The following ZBTB34 variants were observed in gnomAD, a reference collection of about 807,000 sequenced individuals.
ZBTB34 encodes zinc finger and BTB domain-containing protein 34.
A neutral mutation model predicts 33.4 loss-of-function variants in ZBTB34; 1 was observed. The observed-to-expected ratio is 0.03, with a 90% CI of 0.01 to 0.14. The LOEUF (loss-of-function observed/expected upper bound fraction) is 0.14, where lower values mean the gene tolerates loss of function less well. Among genes scored for constraint, ZBTB34 ranks in the 10% least tolerant of loss-of-function variants. The pLI is 1.00. For missense variants in ZBTB34, 406 were observed against 657.2 expected, an observed-to-expected ratio of 0.62 and a Z score of 4.18; for synonymous variants, 283 against 253.5, an observed-to-expected ratio of 1.12 and a Z score of -1.11.
rs1404109080 is a variant in ZBTB34 at position 126,877,803 on chromosome 9, G to A, written c.-10-1587G>A. 3.3e-5 allele frequency among the ~76,000 whole-genome samples: 5 copies of A among 152,056 alleles called. No homozygotes were observed. The South Asian group carries it at 1.0e-3, about 32-fold the overall frequency. On this transcript the variant is annotated intron_variant, in intron 1 of 1. Transcript: ENST00000319119. ...GCAGATCACTTGAGGTCAGGAGTTC[G>A]AGACCAGCCTGGCTAACATGGTGAA... is the stretch of plus-strand genomic sequence containing the variant.
intron 1 of ZBTB34, among the ~76,000 whole-genome samples, chr9:126,865,407 A>G (rs928942745): frequency 4.6e-5 from 7 of 152,252 alleles, no homozygotes; most frequent in African/African-American, 1.7e-4. Context: ...AGCAGTGAGG[A>G]GTCTCACAGA....
chr9:126,867,126 CTTTTTTT>C (rs201393295), intron 1 of ZBTB34, among the ~76,000 whole-genome samples: 11 of 128,548 alleles, frequency 8.6e-5, no homozygotes, highest in Middle Eastern at 3.9e-3. Context: ...TTGGGGGTTC[CTTTTTTT>C]TTTTTTTTTT....
Position 126,879,597 on chromosome 9 carries a change from G to C in ZBTB34, c.198G>C (p.Ala66=). ...CCCCATATTTCCGGGACCATTCAGC[G>C]TTAAGTACCATGAGTGGCTTGTCAA... is the stretch of plus-strand genomic sequence containing the variant. The change falls in exon 2 of 2, where the codon GCG becomes GCC. Residue 66 remains alanine (A), a synonymous_variant. Transcript: ENST00000319119. The surrounding 1 kb of genome is among the most constrained non-coding windows in gnomAD (Gnocchi z 6.4). The C allele has an allele frequency of 3.1e-6, 5 of 1,613,900 alleles. No homozygotes were observed. The highest frequency in any genetic ancestry group is 4.2e-6 in the Non-Finnish European group (5 of 1,179,888).
At chr9:126,862,103 T>C (rs902369555) in intron 1 of ZBTB34, among the ~76,000 whole-genome samples, 1 of 152,118 alleles carries the variant, frequency 6.6e-6, no homozygotes, top group African/African-American at 2.4e-5. Context: ...GAGGTCACTG[T>C]AGGCCGAGTG....
chr9:126,866,893 C>T (rs2033209340), intron 1 of ZBTB34, among the ~76,000 whole-genome samples: 1 of 152,074 alleles, frequency 6.6e-6, no homozygotes, highest in South Asian at 2.1e-4. Context: ...TTAATAGTAC[C>T]ACGTGGTTCC....
chr9:126,861,884 T>TA (rs1395665823), intron 1 of ZBTB34, among the ~76,000 whole-genome samples: 2 of 152,212 alleles, frequency 1.3e-5, no homozygotes, highest in Non-Finnish European at 2.9e-5. Context: ...TCCTTTATGC[T>TA]AAAGCCAAAC....
chr9:126,874,134 C>A (rs2119221247), intron 1 of ZBTB34, among the ~76,000 whole-genome samples: 1 of 148,242 alleles, frequency 6.7e-6, no homozygotes, highest in African/African-American at 2.5e-5. Flanking sequence ...CTCCGTCCTC[C>A]AGGTTCACGC....
intron 1 of ZBTB34, among the ~76,000 whole-genome samples, chr9:126,873,511 A>C (rs930644463): frequency 6.6e-6 from 1 of 152,104 alleles, no homozygotes; most frequent in African/African-American, 2.4e-5. Flanking sequence ...CGATACGCCT[A>C]ACTCGGCCTC....
At chr9:126,866,560 T>C (rs565576440) in intron 1 of ZBTB34, among the ~76,000 whole-genome samples, 1 of 152,310 alleles carries the variant, frequency 6.6e-6, no homozygotes, top group South Asian at 2.1e-4. Flanking sequence ...CAAAAATATC[T>C]TCCTCCATGA....
rs768154356 is a variant in ZBTB34, at chr9:126,880,232, C to G, written c.833C>G (p.Ser278Cys). The G allele has an allele frequency of 1.9e-5, 31 of 1,613,842 alleles. No homozygotes were observed. The highest frequency in any genetic ancestry group is 2.5e-5 in the Non-Finnish European group (30 of 1,179,888). Residue 278 changes from serine to cysteine, a missense_variant, in exon 2 of 2, where the codon TCC (serine) becomes TGC (cysteine). Transcript: ENST00000319119. The surrounding 1 kb of genome is among the most constrained non-coding windows in gnomAD (Gnocchi z 6.7). Reference sequence around the variant, plus strand: ...CAAGTTGTGGCAGTGAATGTGGGCTCCTATGGTTCTGTGCTCCAGCACGCA... The same window carrying G: ...CAAGTTGTGGCAGTGAATGTGGGCTGCTATGGTTCTGTGCTCCAGCACGCA...
At chr9:126,865,572 T>C (rs528830621) in intron 1 of ZBTB34, among the ~76,000 whole-genome samples, 1 of 152,346 alleles carries the variant, frequency 6.6e-6, no homozygotes, top group East Asian at 1.9e-4. Flanking sequence ...GAGAGTCCCT[T>C]CTTATTTTTA....
rs1276643246 is a variant in ZBTB34, at chr9:126,881,358, CAATT to C, written c.*445_*448del. The C allele has an allele frequency of 1.8e-5, 3 of 162,896 alleles. No individual in the cohort carries two copies. In the Admixed American group the frequency reaches 2.0e-4, roughly 11 times the overall value. 10.1% of individuals were successfully genotyped at this position (162,896 alleles called of 1,614,324 possible). A position where few individuals can be genotyped will look rare whatever the true frequency, so the allele number is the denominator to read the frequency against. On this transcript the variant is annotated 3_prime_UTR_variant, in exon 2 of 2. Transcript: ENST00000319119. ...AAATTCCTTTTAGGGGGTAGTTAGA[CAATT>C]TATATATATATATAATAAAACTATT...
Position 126,880,423 on chromosome 9 carries a change from G to T in ZBTB34, c.1024G>T (p.Val342Leu). The change falls in exon 2 of 2, where the codon GTG becomes TTG. Residue 342 changes from valine to leucine, a missense_variant. Val to Leu is a conservative substitution (Grantham distance 32). Around this residue, in one of 6 missense-constraint regions of ZBTB34, gnomAD observed 123 missense variants for 140.4 expected, o/e 0.88. Transcript: ENST00000319119. The surrounding 1 kb of genome is among the most constrained non-coding windows in gnomAD (Gnocchi z 6.7). ...CCTGCACAGTGACCTGCAGGGCCTG[G>T]TGCAGGGCTCTGACAGTGAAGCCAT... 6.2e-7 allele frequency: 1 copy of T among 1,613,576 alleles called. No homozygotes were observed. Among genetic ancestry groups the T allele is most frequent in the Non-Finnish European group, 8.5e-7 (1 of 1,179,836 alleles).
intron 1 of ZBTB34, among the ~76,000 whole-genome samples, chr9:126,876,510 T>C (rs544639809): frequency 1.3e-5 from 2 of 151,960 alleles, no homozygotes; most frequent in Non-Finnish European, 2.9e-5. Context: ...ATCCTTACAT[T>C]TGTGAAGCAG....
At chr9:126,864,354 C>T (rs1278656139) in intron 1 of ZBTB34, among the ~76,000 whole-genome samples, 4 of 152,102 alleles carry the variant, frequency 2.6e-5, no homozygotes, top group Admixed American at 6.5e-5. Context: ...GCCTACTGAC[C>T]GTTAGTCCTT....
In ZBTB34 at chr9:126,879,629, T is replaced by A; in HGVS notation, c.230T>A (p.Val77Glu). 6.2e-7 allele frequency: 1 copy of A among 1,613,822 alleles called. No individual in the cohort carries two copies. The highest frequency in any genetic ancestry group is 8.5e-7 in the Non-Finnish European group (1 of 1,179,886). The change falls in exon 2 of 2, where the codon GTG (valine) becomes GAG (glutamate). Residue 77 changes from valine to glutamate, a missense_variant. By Grantham distance (121) the Val-to-Glu change is moderately radical (BLOSUM62 -2). Coordinates refer to ENST00000319119, the Ensembl canonical transcript of ZBTB34. The surrounding 1 kb of genome is among the most constrained non-coding windows in gnomAD (Gnocchi z 6.4). Reference sequence around the variant, plus strand: ...ACCATGAGTGGCTTGTCAATATCAGTGATTAAAAATCCCAATGTGTTTGAG... The same window carrying A: ...ACCATGAGTGGCTTGTCAATATCAGAGATTAAAAATCCCAATGTGTTTGAG...
At chr9:126,861,080 G>T (rs1250082882) in intron 1 of ZBTB34, among the ~76,000 whole-genome samples, 1 of 152,092 alleles carries the variant, frequency 6.6e-6, no homozygotes, top group Non-Finnish European at 1.5e-5. Flanking sequence ...GGCGTCTCGG[G>T]ATCCCCAGCT....
chr9:126,867,683 C>T (rs575743749), intron 1 of ZBTB34, among the ~76,000 whole-genome samples: 16 of 150,062 alleles, frequency 1.1e-4, no homozygotes, highest in African/African-American at 2.4e-4. Flanking sequence ...GCCTTTGTGG[C>T]GTCTGAGATT....
chr9:126,874,036 C>CTTTTTTTTTTTTTTT (rs781115278), intron 1 of ZBTB34, among the ~76,000 whole-genome samples: 4 of 66,036 alleles, frequency 6.1e-5, no homozygotes, highest in East Asian at 5.4e-4. Context: ...TGTGTATGTT[C>CTTTTTTTTTTTTTTT]TTTTTTTTTT....
Sources: allele counts gnomAD v4.1 joint callset (sites outside exome capture counted in the v4.1 genomes callset), GRCh38; gene constraint gnomAD v4.1.1; regional missense constraint gnomAD v4.1.1; non-coding constraint Gnocchi (gnomAD v3.1); transcripts MANE v1.5; gene names NCBI Gene and HGNC (gene_info 2026-07-23, HGNC 2026-07-21).